CSMD1: variants seen among roughly 807,000 people sequenced by gnomAD.
The protein encoded by CSMD1 is CUB and sushi domain-containing protein 1.
Under a neutral mutation model 417.5 loss-of-function variants are expected in CSMD1, and 213 were observed. The ratio of observed to expected loss-of-function variants is 0.51; its 90% CI spans 0.46 to 0.57. The LOEUF is 0.57. Among genes scored for constraint, CSMD1 ranks in the 20% least tolerant of loss-of-function variants. CSMD1 has a pLI of 0.00. For missense variants in CSMD1, 6,923 were observed against 4,529.7 expected (o/e 1.53, Z -15.17); for synonymous variants, 2,862 against 1,736.8 (o/e 1.65, Z -16.11).
At chr8:2,993,950 C>T (rs1806634968) in intron 54 of CSMD1, among the ~76,000 whole-genome samples, 1 of 150,444 alleles carries the variant, frequency 6.6e-6, no homozygotes, top group Non-Finnish European at 1.5e-5. Context: ...TCAAGACCAG[C>T]CTGACCCACA....
rs368753576 is a variant in CSMD1 at position 3,468,782 on chromosome 8, G to T, written c.1491C>A (p.Ser497Arg). 1.6e-5 allele frequency: 26 copies of T among 1,605,182 alleles called. No homozygotes were observed. Among genetic ancestry groups the T allele is most frequent in the Non-Finnish European group, 2.0e-5 (24 of 1,175,966 alleles). The part of the protein sequence containing the change: ...SSVPDLIVSM[S>R]NQMWLHLQSD... ...ACTGCAGATGTAGCCACATCTGGTT[G>T]CTCATGCTCACAATGAGGTCAGGAA... The change falls in exon 12 of 70, where the codon AGC becomes AGA. Residue 497 changes from serine (S) to arginine (R), a missense_variant. Physicochemically the swap from Ser to Arg is moderately radical, Grantham distance 110 (BLOSUM62 -1). Transcript: ENST00000635120.
intron 41 of CSMD1, among the ~76,000 whole-genome samples, chr8:3,131,579 C>G (rs768708812): frequency 6.6e-5 from 10 of 150,946 alleles, no homozygotes; most frequent in Admixed American, 3.3e-4. Context: ...TCAAGCAATT[C>G]TCCTGCCTCA....
rs528500064 is a variant in CSMD1 at position 4,089,115 on chromosome 8, C to T, written c.416-57016G>A. ...AGGATTCAGGAAACTTAACACAATCCTCTCAGGGATTCCAGTGCTTAACAA... is the reference window on the plus strand; with the variant it reads ...AGGATTCAGGAAACTTAACACAATCTTCTCAGGGATTCCAGTGCTTAACAA... On this transcript the variant is annotated intron_variant, in intron 3 of 69. Coordinates refer to ENST00000635120, the MANE Select transcript of CSMD1 (RefSeq NM_033225.6). Among the ~76,000 whole-genome samples, 5 of 152,312 alleles carry T rather than the reference C, an allele frequency of 3.3e-5. No homozygotes were observed. The Middle Eastern group carries it at 0.017, about 518-fold the overall frequency.
chr8:3,052,377 T>G, intron 50 of CSMD1, 85 bp downstream of exon 50: 1 of 1,016,696 alleles, frequency 9.8e-7, no homozygotes, highest in Non-Finnish European at 1.4e-6. Context: ...AGAGGACCTC[T>G]GAACGTGGGA....
chr8:4,036,122 C>G (rs931348225), intron 3 of CSMD1, among the ~76,000 whole-genome samples: 1 of 152,200 alleles, frequency 6.6e-6, no homozygotes, highest in Non-Finnish European at 1.5e-5. Flanking sequence ...CTAGGCTACA[C>G]CACACATCCT....
At chr8:3,519,452 C>G (rs1432775682) in intron 10 of CSMD1, among the ~76,000 whole-genome samples, 2 of 152,160 alleles carry the variant, frequency 1.3e-5, no homozygotes, top group Non-Finnish European at 2.9e-5. Flanking sequence ...TCTTGATCAT[C>G]TGAGAGGAAA....
chr8:3,448,329 AAGGGAGGG>A (rs1585179399), intron 12 of CSMD1, among the ~76,000 whole-genome samples: 2 of 878 alleles, frequency 2.3e-3, no homozygotes, highest in Admixed American at 0.017. Flanking sequence ...GGAAGGGAGC[AAGGGAGGG>A]AGGGAGGGAG....
At chr8:3,777,551 G>C (rs1281573310) in intron 5 of CSMD1, among the ~76,000 whole-genome samples, 2 of 152,164 alleles carry the variant, frequency 1.3e-5, no homozygotes, top group African/African-American at 2.4e-5. Flanking sequence ...TTCTCCTCCA[G>C]GCTCCCTCTA....
intron 3 of CSMD1, among the ~76,000 whole-genome samples, chr8:4,303,750 G>T (rs566776513): frequency 6.6e-6 from 1 of 152,012 alleles, no homozygotes; most frequent in Admixed American, 6.6e-5. Context: ...CAGCCTCCTG[G>T]TTTCAAGCGA....
At chr8:3,817,331 A>C (rs1801442385) in intron 5 of CSMD1, among the ~76,000 whole-genome samples, 1 of 120,048 alleles carries the variant, frequency 8.3e-6, no homozygotes, top group African/African-American at 3.3e-5. Flanking sequence ...CCCAGGCTGG[A>C]GTACAGTGGC....
chr8:4,718,888 C>A (rs1260415568), intron 1 of CSMD1, among the ~76,000 whole-genome samples: 2 of 151,956 alleles, frequency 1.3e-5, no homozygotes. Context: ...AAATACGTAT[C>A]TTTGAACTCT....
intron 7 of CSMD1, among the ~76,000 whole-genome samples, chr8:3,704,020 G>A (rs1801022646): frequency 6.6e-6 from 1 of 152,152 alleles, no homozygotes; most frequent in African/African-American, 2.4e-5. Flanking sequence ...TCAGTGAGCT[G>A]AGATCCTGCC....
intron 5 of CSMD1, among the ~76,000 whole-genome samples, chr8:3,968,624 C>G (rs942453706): frequency 6.6e-6 from 1 of 152,188 alleles, no homozygotes; most frequent in African/African-American, 2.4e-5. Flanking sequence ...TCTTTCTCTA[C>G]ATAGAACACA....
chr8:3,982,192 T>TAATAATAATAA (rs372298485), intron 5 of CSMD1, among the ~76,000 whole-genome samples: 2,378 of 131,724 alleles, frequency 0.018, 36 homozygotes, highest in African/African-American at 0.023. Context: ...AATAATAATA[T>TAATAATAATAA]TAATAAAAAA....
rs1211277265 is a variant in CSMD1, at chr8:4,266,905, C to T, written c.415+153048G>A. 4.8e-5 allele frequency among the ~76,000 whole-genome samples: 5 copies of T among 103,844 alleles called. 1 individual carries two copies. The highest frequency in any genetic ancestry group is 9.1e-5 in the Admixed American group (1 of 10,954). 68.1% of individuals were successfully genotyped at this position (103,844 alleles called of 152,430 possible). ...GTGTTAAGATGGAAGAAGAAACAAACTGATTAATAAAAACCAAATGACATT... is the reference window on the plus strand; with the variant it reads ...GTGTTAAGATGGAAGAAGAAACAAATTGATTAATAAAAACCAAATGACATT... On this transcript the variant is annotated intron_variant, in intron 3 of 69. Coordinates refer to ENST00000635120, the MANE Select transcript of CSMD1 (RefSeq NM_033225.6).
intron 1 of CSMD1, among the ~76,000 whole-genome samples, chr8:4,942,597 A>G (rs759816702): frequency 3.3e-5 from 5 of 152,266 alleles, no homozygotes; most frequent in Non-Finnish European, 5.9e-5. Context: ...TGACTAAGTC[A>G]TCAAGAACTA....
At chr8:3,684,824 A>C (rs1177993057) in intron 7 of CSMD1, among the ~76,000 whole-genome samples, 1 of 152,054 alleles carries the variant, frequency 6.6e-6, no homozygotes, top group Non-Finnish European at 1.5e-5. Flanking sequence ...TCATATTCCA[A>C]ACTAGTATTT....
At chr8:4,710,418 A>G in intron 1 of CSMD1, among the ~76,000 whole-genome samples, 1 of 147,976 alleles carries the variant, frequency 6.8e-6, no homozygotes. Flanking sequence ...ATTTATAAAT[A>G]TATTTAATAC....
At chr8:4,144,760 G>A (rs551573134) in intron 3 of CSMD1, among the ~76,000 whole-genome samples, 10 of 150,912 alleles carry the variant, frequency 6.6e-5, no homozygotes, top group Non-Finnish European at 1.3e-4. Flanking sequence ...TCAGACATAG[G>A]AGAACAGGAA....
Sources: gnomAD v4.1 joint callset for allele counts (sites outside exome capture counted in the v4.1 genomes callset) on GRCh38, gnomAD v4.1.1 for gene constraint, MANE v1.5 for transcripts, NCBI Gene and HGNC (gene_info 2026-07-23, HGNC 2026-07-21) for gene names.